The following KBTBD7 variants were observed in gnomAD, a reference collection of about 807,000 sequenced individuals.
KBTBD7 encodes the protein kelch repeat and BTB domain-containing protein 7.
Under a neutral mutation model 50.3 loss-of-function variants are expected in KBTBD7, and 25 were observed. The observed-to-expected ratio is 0.50, with a 90% CI of 0.36 to 0.69. The LOEUF (loss-of-function observed/expected upper bound fraction) is 0.69. KBTBD7 is among the 30% of genes least tolerant of loss of function. The probability of loss-of-function intolerance (pLI) is 0.00; values close to 1 mark genes in which losing one functional copy is unlikely to be tolerated. For synonymous variants in KBTBD7, 305 were observed against 325.3 expected (o/e 0.94, Z 0.67); for missense variants, 653 against 869.5 (o/e 0.75, Z 3.13).
chr13:41,194,258 G>A lies in KBTBD7; in HGVS notation c.-1C>T. On this transcript the variant is annotated 5_prime_UTR_variant, in exon 1 of 1. Transcript: ENST00000379483. ...GCGGGACGTCTTCCCGGGACTGCAT[G>A]GTGGAGATGGCGACGGGCGCTGACG... 1 of 1,610,294 alleles carries A rather than the reference G, an allele frequency of 6.2e-7. No individual in the cohort carries two copies. The highest frequency in any genetic ancestry group is 8.5e-7 in the Non-Finnish European group (1 of 1,177,430).
rs2031460880 is a variant in KBTBD7, at chr13:41,193,885, A to G, written c.373T>C (p.Leu125=). The G allele has an allele frequency of 1.4e-5, 23 of 1,614,046 alleles. No individual in the cohort carries two copies. Among genetic ancestry groups the G allele is most frequent in the Non-Finnish European group, 1.9e-5 (22 of 1,180,044 alleles). ...CGACCCGTGTAGCAGTAGTCGACCA[A>G]CACCTCGAAGGACTCGGCGTCCACA... ...HDVDAESFEV[L]VDYCYTGRVS... Residue 125 remains leucine, a synonymous_variant, in exon 1 of 1, where the codon TTG becomes CTG. Coordinates refer to ENST00000379483, the MANE Select transcript of KBTBD7 (RefSeq NM_032138.7). This position sits in a 1 kb window ranked among gnomAD's most constrained non-coding sequence, Gnocchi z 5.7.
rs773202669 is a variant in KBTBD7 at position 41,193,692 on chromosome 13, C to T, written c.566G>A (p.Arg189Gln). The T allele has an allele frequency of 8.1e-6, 13 of 1,614,138 alleles. No homozygotes were observed. The highest frequency in any genetic ancestry group is 1.1e-5 in the Non-Finnish European group (13 of 1,180,030). ...FADAFDHHKL[R>Q]SQAQSYIAHN... ...AGCTATGTAGGACTGGGCCTGAGAT[C>T]GAAGCTTGTGATGGTCGAAGGCGTC... Residue 189 changes from arginine to glutamine, a missense_variant, in exon 1 of 1, where the codon CGA (arginine) becomes CAA (glutamine). By Grantham distance (43) the Arg-to-Gln change is conservative (BLOSUM62 1). Transcript: ENST00000379483. This position sits in a 1 kb window ranked among gnomAD's most constrained non-coding sequence, Gnocchi z 5.7.
chr13:41,194,175 G>A lies in KBTBD7; in HGVS notation c.83C>T (p.Pro28Leu), dbSNP rs1593479831. ...ACCCGTGAAAAAGGCCGAAACCGAG[G>A]GCTTGGAAATCCTCTTGGGCCGCCT... ...GGRRPKRISK[P>L]SVSAFFTGPE... Residue 28 changes from proline to leucine, a missense_variant, in exon 1 of 1, where the codon CCC becomes CTC. By Grantham distance (98) the Pro-to-Leu change is moderately conservative. Transcript: ENST00000379483. The A allele has an allele frequency of 6.2e-7, 1 of 1,614,206 alleles. No homozygotes were observed. Among genetic ancestry groups the A allele is most frequent in the South Asian group, 1.1e-5 (1 of 91,084 alleles).
Position 41,192,729 on chromosome 13 carries a change from AG to A in KBTBD7, c.1528del (p.Lys511AsnfsTer24), listed in dbSNP as rs770083002. 1 of 1,614,182 alleles carries A rather than the reference AG, an allele frequency of 6.2e-7. No homozygotes were observed. The highest frequency in any genetic ancestry group is 1.3e-5 in the African/African-American group (1 of 75,054). ...TGCTTCCTGAAAGTCACTACGTTTA[AG>A]AGAAGCACAGTTCAGCCACATATTG... Reference protein sequence around the residue: ...SHNMWLNCASLKRSDFQEACV... With the variant: ...SHNMWLNCASXKRSDFQEACV... On this transcript the variant is annotated frameshift_variant, in exon 1 of 1. Coordinates refer to ENST00000379483, the MANE Select transcript of KBTBD7 (RefSeq NM_032138.7). LOFTEE classifies it high-confidence loss of function.
Position 41,192,593 on chromosome 13 carries a change from C to G in KBTBD7, c.1665G>C (p.Glu555Asp). 1.9e-6 allele frequency: 3 copies of G among 1,614,122 alleles called. No individual in the cohort carries two copies. The highest frequency in any genetic ancestry group is 1.3e-5 in the African/African-American group (1 of 75,018). Residue 555 changes from glutamate (E) to aspartate (D), a missense_variant, in exon 1 of 1, where the codon GAG becomes GAC. Transcript: ENST00000379483. ...RRISNIPLDSETHNYQIVNHD... is the reference protein window; with the variant it reads ...RRISNIPLDSDTHNYQIVNHD... ...GATTGACAATCTGGTAGTTGTGGGT[C>G]TCTGAATCCAAAGGAATATTACTAA...
rs780838807 is a variant in KBTBD7 at position 41,192,831 on chromosome 13, G to C, written c.1427C>G (p.Ser476Cys). 2.3e-5 allele frequency: 37 copies of C among 1,614,050 alleles called. No homozygotes were observed. Among genetic ancestry groups the C allele is most frequent in the Non-Finnish European group, 3.1e-5 (36 of 1,180,044 alleles). Residue 476 changes from serine (S) to cysteine (C), a missense_variant, in exon 1 of 1, where the codon TCC (serine) becomes TGC (cysteine). Ser to Cys is a moderately radical substitution (Grantham distance 112, BLOSUM62 -1). Transcript: ENST00000379483. Reference protein sequence around the residue: ...LVAPVPHSFYSFELIVVQNYL... With the variant: ...LVAPVPHSFYCFELIVVQNYL... ...GTTCTGAACCACTATGAGTTCAAAG[G>C]AATAGAAGGAATGAGGGACAGGAGC...
Position 41,193,525 on chromosome 13 carries a change from G to A in KBTBD7, c.733C>T (p.Gln245Ter), listed in dbSNP as rs1407923076. Reference sequence around the variant, plus strand: ...TCTTTGGCAGCAGCCTCCAGCCACTGCACAGCTACATGGCATACAGTCCGC... The same window carrying A: ...TCTTTGGCAGCAGCCTCCAGCCACTACACAGCTACATGGCATACAGTCCGC... ...SERTVCHVAV[Q>*]WLEAAAKERG... Residue 245 changes from glutamine to a stop codon, truncating the protein, a stop_gained, in exon 1 of 1, where the codon CAG becomes TAG. Transcript: ENST00000379483. LOFTEE classifies it high-confidence loss of function. This position sits in a 1 kb window ranked among gnomAD's most constrained non-coding sequence, Gnocchi z 5.7. 1.2e-6 allele frequency: 2 copies of A among 1,614,230 alleles called. No homozygotes were observed. The highest frequency in any genetic ancestry group is 1.7e-6 in the Non-Finnish European group (2 of 1,180,050).
Position 41,193,169 on chromosome 13 carries a change from C to T in KBTBD7, c.1089G>A (p.Ser363=), listed in dbSNP as rs1326245158. 6.2e-6 allele frequency: 10 copies of T among 1,614,132 alleles called. No homozygotes were observed. The highest frequency in any genetic ancestry group is 1.6e-4 in the Middle Eastern group (1 of 6,062). The change falls in exon 1 of 1, where the codon TCG becomes TCA. Residue 363 remains serine (S), a synonymous_variant. Transcript: ENST00000379483. The surrounding 1 kb of genome is among the most constrained non-coding windows in gnomAD (Gnocchi z 5.7). The stretch of plus-strand genomic sequence containing the variant: ...GGGATGGCATTGTGTAAATGTCCCC[C>T]GAGTAAGGGTCATAGCAGAGAAAGG... The part of the protein sequence containing the change: ...RDPFLCYDPY[S]GDIYTMPSPL...
At position 41,192,969 on chromosome 13, in the gene KBTBD7, A is replaced by G. The variant is rs1161411714; in HGVS notation, c.1289T>C (p.Val430Ala). The change falls in exon 1 of 1, where the codon GTG (valine) becomes GCG (alanine). Residue 430 changes from valine to alanine, a missense_variant. Physicochemically the swap from Val to Ala is moderately conservative, Grantham distance 64. Around this residue, in one of 3 missense-constraint regions of KBTBD7, gnomAD observed 526 missense variants for 717.1 expected, o/e 0.73. Coordinates refer to ENST00000379483, the MANE Select transcript of KBTBD7 (RefSeq NM_032138.7). ...DRLLCREGMD[V>A]AYLNGYIYIL... ...GTAGATGTAGCCATTGAGATATGCC[A>G]CATCCATGCCCTCACGACACAGCAA... 1.6e-5 allele frequency: 26 copies of G among 1,614,074 alleles called. No homozygotes were observed. The highest frequency in any genetic ancestry group is 2.2e-5 in the Non-Finnish European group (26 of 1,180,046).
Position 41,192,640 on chromosome 13 carries a change from C to A in KBTBD7, c.1618G>T (p.Ala540Ser), listed in dbSNP as rs777304885. ...DIPVMKVYNP[A>S]RGEWRRISNI... ...CTAATCCGCCTCCATTCTCCCCTAG[C>A]TGGGTTGTAGACCTTCATGACTGGG... The change falls in exon 1 of 1, where the codon GCT becomes TCT. Residue 540 changes from alanine to serine, a missense_variant. Transcript: ENST00000379483. 3 of 1,614,020 alleles carry A rather than the reference C, an allele frequency of 1.9e-6. No homozygotes were observed. The highest frequency in any genetic ancestry group is 1.7e-5 in the Admixed American group (1 of 60,006).
In KBTBD7 at chr13:41,192,483, T is replaced by C; in HGVS notation, c.1775A>G (p.Glu592Gly). The stretch of plus-strand genomic sequence containing the variant: ...GGTACCTATATTAATCCACTGATCT[T>C]CCCTAGTATCATACTCATACACTGT... ...RVTVYEYDTR[E>G]DQWINIGTML... The change falls in exon 1 of 1, where the codon GAA (glutamate) becomes GGA (glycine). Residue 592 changes from glutamate to glycine, a missense_variant. Coordinates refer to ENST00000379483, the MANE Select transcript of KBTBD7 (RefSeq NM_032138.7). 1 of 1,614,224 alleles carries C rather than the reference T, an allele frequency of 6.2e-7. No homozygotes were observed. Among genetic ancestry groups the C allele is most frequent in the Non-Finnish European group, 8.5e-7 (1 of 1,180,026 alleles).
In KBTBD7 at chr13:41,192,506, T is replaced by G. The variant is rs149569855; in HGVS notation, c.1752A>C (p.Thr584=). The G allele has an allele frequency of 6.2e-7, 1 of 1,614,224 alleles. No homozygotes were observed. The highest frequency in any genetic ancestry group is 8.5e-7 in the Non-Finnish European group (1 of 1,180,022). Residue 584 remains threonine (T), a synonymous_variant, in exon 1 of 1, where the codon ACA becomes ACC. Coordinates refer to ENST00000379483, the MANE Select transcript of KBTBD7 (RefSeq NM_032138.7). ...TTPQWKKNRV[T]VYEYDTREDQ... is the part of the protein sequence containing the mutation. ...CTTCCCTAGTATCATACTCATACAC[T>G]GTCACTCGGTTCTTTTTCCATTGTG...
chr13:41,193,753 C>G lies in KBTBD7; in HGVS notation c.505G>C (p.Asp169His). The G allele has an allele frequency of 6.2e-7, 1 of 1,614,206 alleles. No homozygotes were observed. Among genetic ancestry groups the G allele is most frequent in the South Asian group, 1.1e-5 (1 of 91,080 alleles). Residue 169 changes from aspartate (D) to histidine (H), a missense_variant, in exon 1 of 1, where the codon GAC becomes CAC. By Grantham distance (81) the Asp-to-His change is moderately conservative. Transcript: ENST00000379483. This position sits in a 1 kb window ranked among gnomAD's most constrained non-coding sequence, Gnocchi z 5.7. ...AGGATGGCGGTGCAGTTGGTCAGGT[C>G]AAGACGTCGGGCTAAGAAGGAGGCA... ...ACASFLARRL[D>H]LTNCTAILKF... is the part of the protein sequence containing the mutation.
Position 41,193,990 on chromosome 13 carries a change from C to T in KBTBD7, c.268G>A (p.Ala90Thr). The change falls in exon 1 of 1, where the codon GCA becomes ACA. Residue 90 changes from alanine to threonine, a missense_variant. Physicochemically the swap from Ala to Thr is moderately conservative, Grantham distance 58. This residue lies in a region of KBTBD7 where 119 missense variants were observed against 125.0 expected (regional missense o/e 0.95). Coordinates refer to ENST00000379483, the MANE Select transcript of KBTBD7 (RefSeq NM_032138.7). The surrounding 1 kb of genome is among the most constrained non-coding windows in gnomAD (Gnocchi z 5.7). ...RLFSCNRNVL[A>T]AACPYFKSMF... ...CTCTTGAAGTAGGGACACGCAGCTG[C>T]TAGCACGTTGCGATTGCAGGAAAAG... 6.2e-7 allele frequency: 1 copy of T among 1,614,160 alleles called. No homozygotes were observed. Among genetic ancestry groups the T allele is most frequent in the Non-Finnish European group, 8.5e-7 (1 of 1,180,022 alleles).
In KBTBD7 at chr13:41,193,494, C is replaced by A; in HGVS notation, c.764G>T (p.Gly255Val). Reference sequence around the variant, plus strand: ...CTTGAAGACTTCTGCAGCACTGGGACCCCGCTCTTTGGCAGCAGCCTCCAG... The same window carrying A: ...CTTGAAGACTTCTGCAGCACTGGGAACCCGCTCTTTGGCAGCAGCCTCCAG... Reference protein sequence around the residue: ...QWLEAAAKERGPSAAEVFKCV... With the variant: ...QWLEAAAKERVPSAAEVFKCV... Residue 255 changes from glycine (G) to valine (V), a missense_variant, in exon 1 of 1, where the codon GGT becomes GTT. Physicochemically the swap from Gly to Val is moderately radical, Grantham distance 109. Around this residue, in one of 3 missense-constraint regions of KBTBD7, gnomAD observed 526 missense variants for 717.1 expected, o/e 0.73. Coordinates refer to ENST00000379483, the MANE Select transcript of KBTBD7 (RefSeq NM_032138.7). The surrounding 1 kb of genome is among the most constrained non-coding windows in gnomAD (Gnocchi z 5.7). 2 of 1,614,168 alleles carry A rather than the reference C, an allele frequency of 1.2e-6. No homozygotes were observed. Among genetic ancestry groups the A allele is most frequent in the East Asian group, 2.2e-5 (1 of 44,882 alleles).
chr13:41,194,218 C>G lies in KBTBD7; in HGVS notation c.40G>C (p.Ala14Pro), dbSNP rs201264753. The change falls in exon 1 of 1, where the codon GCC becomes CCC. Residue 14 changes from alanine (A) to proline (P), a missense_variant. Ala to Pro is a conservative substitution (Grantham distance 27). Transcript: ENST00000379483. ...REDVPRSRRL[A>P]SPRGGRRPKR... ...GGCCGCCTCCCACCACGGGGACTGGCGAGGCGGCGAGAGCGCGGGACGTCT... is the reference window on the plus strand; with the variant it reads ...GGCCGCCTCCCACCACGGGGACTGGGGAGGCGGCGAGAGCGCGGGACGTCT... 1 of 1,614,118 alleles carries G rather than the reference C, an allele frequency of 6.2e-7. No individual in the cohort carries two copies.
At position 41,192,914 on chromosome 13, in the gene KBTBD7, T is replaced by G. The variant is rs200797698; in HGVS notation, c.1344A>C (p.Gly448=). ...YILGGRDPIT[G]VKLKEVECYS... ...AGCATTCCACTTCCTTCAACTTAAC[T>G]CCAGTAATAGGGTCTCGTCCCCCCA... The change falls in exon 1 of 1, where the codon GGA becomes GGC. Residue 448 remains glycine, a synonymous_variant. Transcript: ENST00000379483. 2 of 1,614,146 alleles carry G rather than the reference T, an allele frequency of 1.2e-6. No individual in the cohort carries two copies. The highest frequency in any genetic ancestry group is 2.2e-5 in the East Asian group (1 of 44,876).
In KBTBD7 at chr13:41,190,215, A is replaced by G. The variant is rs114429218; in HGVS notation, c.*1988T>C. Reference sequence around the variant, plus strand: ...TAACACAATTGAGAAATAGCTTTGTATTAAGTGCAGTACTTATAACATCCC... The same window carrying G: ...TAACACAATTGAGAAATAGCTTTGTGTTAAGTGCAGTACTTATAACATCCC... On this transcript the variant is annotated 3_prime_UTR_variant, in exon 1 of 1. Transcript: ENST00000379483. 9.9e-4 allele frequency: 151 copies of G among 152,362 alleles called. No individual in the cohort carries two copies. Among genetic ancestry groups the G allele is most frequent in the African/African-American group, 3.4e-3 (141 of 41,592 alleles). 9.4% of individuals were successfully genotyped at this position (152,362 alleles called of 1,614,324 possible).
Position 41,194,069 on chromosome 13 carries a change from A to G in KBTBD7, c.189T>C (p.Cys63=). The G allele has an allele frequency of 6.2e-7, 1 of 1,614,214 alleles. No individual in the cohort carries two copies. The highest frequency in any genetic ancestry group is 8.5e-7 in the Non-Finnish European group (1 of 1,180,042). The change falls in exon 1 of 1, where the codon TGT becomes TGC. Residue 63 remains cysteine, a synonymous_variant. Coordinates refer to ENST00000379483, the MANE Select transcript of KBTBD7 (RefSeq NM_032138.7). ...LKSFYDARLL[C]DVTIEVVTPG... ...GCGTCACCACCTCGATGGTCACATCACACAGCAGCCGCGCGTCGTAGAAGG... is the reference window on the plus strand; with the variant it reads ...GCGTCACCACCTCGATGGTCACATCGCACAGCAGCCGCGCGTCGTAGAAGG...
Sources: gnomAD v4.1 joint callset for allele counts on GRCh38, gnomAD v4.1.1 for gene constraint, gnomAD v4.1.1 regional missense constraint, Gnocchi (gnomAD v3.1) non-coding constraint, MANE v1.5 for transcripts, NCBI Gene and HGNC (gene_info 2026-07-23, HGNC 2026-07-21) for gene names.